Variants in TTC17 observed in about 807,000 individuals in gnomAD.
TTC17 encodes the protein tetratricopeptide repeat protein 17.
A neutral mutation model predicts 143.8 loss-of-function variants in TTC17; 58 were observed. That is an observed-to-expected ratio of 0.40 (90% CI 0.33 to 0.50). The LOEUF (loss-of-function observed/expected upper bound fraction) is 0.50, where lower values mean the gene tolerates loss of function less well. Among genes scored for constraint, TTC17 ranks in the 20% least tolerant of loss-of-function variants. TTC17 has a pLI of 0.49. For synonymous variants in TTC17, 501 were observed against 497.8 expected (o/e 1.01, Z -0.09); for missense variants, 1,273 against 1,392.5 (o/e 0.91, Z 1.37).
At chr11:43,415,861 T>G (rs758693980) in intron 16 of TTC17, among the ~76,000 whole-genome samples, 2 of 152,196 alleles carry the variant, frequency 1.3e-5, no homozygotes, top group African/African-American at 4.8e-5. Flanking sequence ...GATCACAATC[T>G]GAATTAAAGT....
chr11:43,424,887 G>T (rs980578503), intron 16 of TTC17, among the ~76,000 whole-genome samples: 4 of 152,158 alleles, frequency 2.6e-5, no homozygotes, highest in African/African-American at 9.7e-5. Flanking sequence ...GCAAGAGGGG[G>T]TCTGTTTTAT....
intron 16 of TTC17, among the ~76,000 whole-genome samples, chr11:43,432,699 C>T (rs1046331484): frequency 6.6e-6 from 1 of 152,118 alleles, no homozygotes; most frequent in African/African-American, 2.4e-5. Flanking sequence ...ATTTTTCCTT[C>T]TCCAATATTT....
intron 21 of TTC17, among the ~76,000 whole-genome samples, chr11:43,481,832 C>T (rs1261261722): frequency 6.6e-6 from 1 of 151,812 alleles, no homozygotes; most frequent in Non-Finnish European, 1.5e-5. Flanking sequence ...AATAGGGGGA[C>T]AGAGTCTCGC....
chr11:43,436,992 A>G (rs1484967731), intron 16 of TTC17, among the ~76,000 whole-genome samples: 4 of 151,982 alleles, frequency 2.6e-5, no homozygotes, highest in Non-Finnish European at 5.9e-5. Context: ...TTGACCTTCT[A>G]TTCTCATCCT....
At chr11:43,457,895 T>G (rs992625321) in intron 21 of TTC17, among the ~76,000 whole-genome samples, 4 of 151,996 alleles carry the variant, frequency 2.6e-5, no homozygotes, top group African/African-American at 9.7e-5. Context: ...AGAAGTGATA[T>G]TTGAAGAAAT....
At chr11:43,395,357 C>T (rs575303201) in intron 5 of TTC17, 4 of 152,260 alleles carry the variant, frequency 2.6e-5, no homozygotes, top group African/African-American at 9.6e-5. Flanking sequence ...GCCTAGGCCT[C>T]CCAAAGTGCT....
chr11:43,473,747 G>T (rs1377518281), intron 21 of TTC17, among the ~76,000 whole-genome samples: 4 of 151,988 alleles, frequency 2.6e-5, no homozygotes, highest in Non-Finnish European at 5.9e-5. Flanking sequence ...AGCTAGGCTT[G>T]GTGGCAAGCA....
chr11:43,492,904 G>T (rs1197461337), intron 23 of TTC17, among the ~76,000 whole-genome samples: 2 of 152,224 alleles, frequency 1.3e-5, no homozygotes, highest in Admixed American at 6.5e-5. Context: ...CTAAAATGTG[G>T]CATCACACAT....
chr11:43,377,842 C>G (rs1019951043), intron 1 of TTC17, among the ~76,000 whole-genome samples: 2 of 152,074 alleles, frequency 1.3e-5, no homozygotes, highest in African/African-American at 4.8e-5. Context: ...TTCTTTCTTG[C>G]AATTCTTCAA....
intron 9 of TTC17, among the ~76,000 whole-genome samples, 172 bp from the exon 10 acceptor site, chr11:43,401,274 G>A (rs1442950760): frequency 1.3e-5 from 2 of 152,142 alleles, no homozygotes; most frequent in Non-Finnish European, 2.9e-5. Flanking sequence ...TTCTTAGAAT[G>A]ATTTATTTGA....
At chr11:43,410,828 G>T (rs975688024) in intron 15 of TTC17, among the ~76,000 whole-genome samples, 1 of 152,098 alleles carries the variant, frequency 6.6e-6, no homozygotes, top group Non-Finnish European at 1.5e-5. Context: ...AAACTTAGGG[G>T]CTTCCTTCAT....
At chr11:43,378,168 G>GCT (rs1194030705) in intron 1 of TTC17, among the ~76,000 whole-genome samples, 2 of 152,146 alleles carry the variant, frequency 1.3e-5, no homozygotes, top group Non-Finnish European at 2.9e-5. Flanking sequence ...CTCCCAAAGT[G>GCT]CTGGGCTTAC....
chr11:43,372,752 A>C (rs1409107396), intron 1 of TTC17, among the ~76,000 whole-genome samples: 2 of 152,100 alleles, frequency 1.3e-5, no homozygotes, highest in South Asian at 4.1e-4. Flanking sequence ...CAGCCTGCCA[A>C]AGTGCTGGGA....
chr11:43,393,529 G>A (rs549989628), intron 5 of TTC17, among the ~76,000 whole-genome samples: 7 of 152,220 alleles, frequency 4.6e-5, no homozygotes, highest in East Asian at 1.9e-4. Context: ...GGGTTTCTAC[G>A]GAGGTTTCAC....
chr11:43,490,939 G>A (rs1948465125), intron 22 of TTC17: 1 of 150,576 alleles, frequency 6.6e-6, no homozygotes, highest in African/African-American at 2.4e-5. Context: ...TGTTATGATG[G>A]ATGAGAAAAT....
rs977162202 is a variant in TTC17 at position 43,379,243 on chromosome 11, C to A, written c.170C>A (p.Pro57Gln). The change falls in exon 2 of 24, where the codon CCA (proline) becomes CAA (glutamine). Residue 57 changes from proline to glutamine, a missense_variant. Pro to Gln is a moderately conservative substitution (Grantham distance 76). This residue lies in a region of TTC17 where 325 missense variants were observed against 444.2 expected (regional missense o/e 0.73). Coordinates refer to ENST00000039989, the MANE Select transcript of TTC17 (RefSeq NM_018259.6). Reference sequence around the variant, plus strand: ...ATTGCTTGCTTGCAGGTGGATTCACCAATGAACTTGAAGCATCCTCATGAC... The same window carrying A: ...ATTGCTTGCTTGCAGGTGGATTCACAAATGAACTTGAAGCATCCTCATGAC... ...DGKIQQQVDS[P>Q]MNLKHPHDLV... 6.2e-7 allele frequency: 1 copy of A among 1,611,580 alleles called. No homozygotes were observed. Among genetic ancestry groups the A allele is most frequent in the Non-Finnish European group, 8.5e-7 (1 of 1,179,274 alleles).
At position 43,427,924 on chromosome 11, in the gene TTC17, G is replaced by A. The variant is rs982647153; in HGVS notation, c.2251+13148G>A. On this transcript the variant is annotated intron_variant, in intron 16 of 23. Transcript: ENST00000039989. Reference sequence around the variant, plus strand: ...AAGTCTGAACTACTCAGATAACTAAGTATTAAATGTAATAATGAGTAATTA... The same window carrying A: ...AAGTCTGAACTACTCAGATAACTAAATATTAAATGTAATAATGAGTAATTA... Among the ~76,000 whole-genome samples, 6 of 152,276 alleles carry A rather than the reference G, an allele frequency of 3.9e-5. 1 individual carries two copies. The South Asian group carries it at 1.0e-3, about 26-fold the overall frequency.
chr11:43,438,694 C>G (rs1242835218), intron 16 of TTC17, among the ~76,000 whole-genome samples: 1 of 152,092 alleles, frequency 6.6e-6, no homozygotes, highest in Non-Finnish European at 1.5e-5. Flanking sequence ...TGTTCTTTAC[C>G]TCTTTCTATG....
At chr11:43,369,034 C>T (rs1030692290) in intron 1 of TTC17, among the ~76,000 whole-genome samples, 1 of 152,238 alleles carries the variant, frequency 6.6e-6, no homozygotes, top group African/African-American at 2.4e-5. Context: ...CACATGTCAT[C>T]TCTTGTTCTA....
Sources: allele counts gnomAD v4.1 joint callset (sites outside exome capture counted in the v4.1 genomes callset), GRCh38; gene constraint gnomAD v4.1.1; regional missense constraint gnomAD v4.1.1; transcripts MANE v1.5; gene names NCBI Gene and HGNC (gene_info 2026-07-23, HGNC 2026-07-21).